The following CDH12 variants were observed in gnomAD, a reference collection of about 807,000 sequenced individuals.
The protein encoded by CDH12 is cadherin-12.
Under a neutral mutation model 74.1 loss-of-function variants are expected in CDH12, and 41 were observed. The observed-to-expected ratio is 0.55, with a 90% CI of 0.43 to 0.72. The LOEUF is 0.72. CDH12 is among the 30% of genes least tolerant of loss of function. The probability of loss-of-function intolerance (pLI) is 0.00; values close to 1 mark genes in which losing one functional copy is unlikely to be tolerated. For missense variants in CDH12, 945 were observed against 977.2 expected, an observed-to-expected ratio of 0.97 and a Z score of 0.44; for synonymous variants, 399 against 355.0, an observed-to-expected ratio of 1.12 and a Z score of -1.39.
chr5:22,432,873 G>T (rs1744231367), intron 2 of CDH12, among the ~76,000 whole-genome samples: 1 of 152,042 alleles, frequency 6.6e-6, no homozygotes, highest in Non-Finnish European at 1.5e-5. Context: ...TCCTATAGTA[G>T]TCCTTGTATT....
chr5:22,403,385 T>A (rs1277143732), intron 3 of CDH12, among the ~76,000 whole-genome samples: 1 of 152,208 alleles, frequency 6.6e-6, no homozygotes. Context: ...CTCCAGAGAA[T>A]TAATCAATCA....
At chr5:22,532,336 A>T (rs1185200636) in intron 1 of CDH12, among the ~76,000 whole-genome samples, 9 of 45,910 alleles carry the variant, frequency 2.0e-4, no homozygotes. Context: ...CTAACAGATA[A>T]ATTATATAAA....
intron 1 of CDH12, among the ~76,000 whole-genome samples, chr5:22,697,841 AC>A (rs1469488101): frequency 6.6e-6 from 1 of 152,000 alleles, no homozygotes. Context: ...AGAAAGAGAT[AC>A]CTGAGAGCCC....
chr5:22,464,117 T>C (rs572805615), intron 2 of CDH12, among the ~76,000 whole-genome samples: 1 of 152,268 alleles, frequency 6.6e-6, no homozygotes, highest in African/African-American at 2.4e-5. Context: ...CAAGATCTGA[T>C]GATTTTTCAA....
intron 3 of CDH12, among the ~76,000 whole-genome samples, chr5:22,230,982 C>A (rs529747025): frequency 1.3e-5 from 2 of 152,252 alleles, no homozygotes; most frequent in African/African-American, 4.8e-5. Context: ...TTTCAAATCA[C>A]AATGCCATAT....
intron 6 of CDH12, among the ~76,000 whole-genome samples, chr5:21,904,167 C>T (rs538169867): frequency 4.0e-4 from 61 of 152,192 alleles, no homozygotes; most frequent in Non-Finnish European, 5.9e-4. Flanking sequence ...CATTTTTCCC[C>T]GTGTAAAAAT....
chr5:22,366,300 T>A (rs899522829), intron 3 of CDH12, among the ~76,000 whole-genome samples: 2 of 152,116 alleles, frequency 1.3e-5, no homozygotes, highest in South Asian at 4.1e-4. Flanking sequence ...CTTTTTTTTT[T>A]AAGTCATGTG....
At chr5:22,385,884 CTTTTTTTTTTT>C (rs969476085) in intron 3 of CDH12, among the ~76,000 whole-genome samples, 31 of 95,408 alleles carry the variant, frequency 3.2e-4, no homozygotes, top group African/African-American at 1.2e-3. Context: ...TGGCTACGCG[CTTTTTTTTTTT>C]TTTTTTTTTT....
chr5:22,559,247 T>G (rs1247990448), intron 1 of CDH12, among the ~76,000 whole-genome samples: 1 of 151,964 alleles, frequency 6.6e-6, no homozygotes, highest in African/African-American at 2.4e-5. Context: ...GGAATCTCAA[T>G]AAAATGAAAA....
At chr5:21,880,620 T>A (rs201442909) in intron 6 of CDH12, among the ~76,000 whole-genome samples, 1 of 22,072 alleles carries the variant, frequency 4.5e-5, no homozygotes, top group South Asian at 2.5e-3. Context: ...TCCTTCCTTC[T>A]TTCTTTCTTT....
intron 3 of CDH12, among the ~76,000 whole-genome samples, chr5:22,324,500 C>A (rs919959687): frequency 6.6e-6 from 1 of 151,824 alleles, no homozygotes; most frequent in African/African-American, 2.4e-5. Context: ...ACTAAGTTAT[C>A]ATGGTTGTAG....
rs115809900 is a variant in CDH12 at position 22,273,730 on chromosome 5, G to A, written c.-332-61087C>T. 1.8e-3 allele frequency among the ~76,000 whole-genome samples: 271 copies of A among 152,162 alleles called. 2 individuals are homozygous for A. The highest frequency in any genetic ancestry group is 6.1e-3 in the African/African-American group (254 of 41,496). On this transcript the variant is annotated intron_variant, in intron 3 of 14. Coordinates refer to ENST00000382254, the MANE Select transcript of CDH12 (RefSeq NM_004061.5). ...TGTGTTGCTTTGCTTTGATTTTGGT[G>A]GGATTATTCCTATCTCACTCCTTTT...
At chr5:22,519,815 T>C (rs1736969617) in intron 1 of CDH12, among the ~76,000 whole-genome samples, 1 of 152,196 alleles carries the variant, frequency 6.6e-6, no homozygotes, top group African/African-American at 2.4e-5. Context: ...CATTATTTAT[T>C]TGTAAAATAC....
At chr5:22,564,940 TTTG>T (rs543343112) in intron 1 of CDH12, among the ~76,000 whole-genome samples, 109 of 152,172 alleles carry the variant, frequency 7.2e-4, no homozygotes, top group Middle Eastern at 3.4e-3. Context: ...TTCTTTGTTT[TTTG>T]TTTGTTTGTT....
At chr5:22,490,517 C>A (rs2126639520) in intron 2 of CDH12, among the ~76,000 whole-genome samples, 1 of 151,690 alleles carries the variant, frequency 6.6e-6, no homozygotes, top group East Asian at 1.9e-4. Flanking sequence ...ATAAATATCC[C>A]CCATTCATAA....
At chr5:22,710,252 T>A in intron 1 of CDH12, among the ~76,000 whole-genome samples, 1 of 152,180 alleles carries the variant, frequency 6.6e-6, no homozygotes, top group East Asian at 1.9e-4. Flanking sequence ...CTTTGCAAAC[T>A]TTATATGTTT....
At chr5:22,734,264 G>A (rs1294640035) in intron 1 of CDH12, among the ~76,000 whole-genome samples, 2 of 151,752 alleles carry the variant, frequency 1.3e-5, no homozygotes, top group Non-Finnish European at 2.9e-5. Flanking sequence ...TGTTCTGTCC[G>A]TAATTGTTCA....
chr5:22,284,518 C>G (rs1402921782), intron 3 of CDH12, among the ~76,000 whole-genome samples: 4 of 152,110 alleles, frequency 2.6e-5, no homozygotes, highest in Non-Finnish European at 2.9e-5. Context: ...CTGAAGGACA[C>G]CATCAATTTC....
chr5:22,605,035 G>A (rs1179471583), intron 1 of CDH12, among the ~76,000 whole-genome samples: 1 of 150,504 alleles, frequency 6.6e-6, no homozygotes, highest in East Asian at 2.0e-4. Flanking sequence ...CATTGTTTTT[G>A]GATGAGATTA....
Sources: gnomAD v4.1 joint callset for allele counts (sites outside exome capture counted in the v4.1 genomes callset) on GRCh38, gnomAD v4.1.1 for gene constraint, MANE v1.5 for transcripts, NCBI Gene and HGNC (gene_info 2026-07-23, HGNC 2026-07-21) for gene names.